Variants in FGF3 observed in about 807,000 individuals in gnomAD.
FGF3 encodes the protein fibroblast growth factor 3.
FGF3 carries 7 observed loss-of-function variants against 9.8 expected under a neutral mutation model. The ratio of observed to expected loss-of-function variants is 0.72; its 90% CI spans 0.41 to 1.35. FGF3 has a LOEUF of 1.35. Among genes scored for constraint, FGF3 ranks in the 40% most tolerant of loss-of-function variants. The pLI is 0.01. For synonymous variants in FGF3, 173 were observed against 157.2 expected, an observed-to-expected ratio of 1.10 and a Z score of -0.75; for missense variants, 390 against 345.6, an observed-to-expected ratio of 1.13 and a Z score of -1.02.
intron 2 of FGF3, 45 bp from the exon 3 acceptor site, chr11:69,810,745 G>T (rs374855794): frequency 1.3e-6 from 2 of 1,486,354 alleles, no homozygotes; most frequent in Non-Finnish European, 1.8e-6. Context: ...GGAGACTGTG[G>T]CAGCGTCAGG....
intron 1 of FGF3, 87 bp from the exon 2 acceptor site, chr11:69,816,510 C>CAGCCCTGAGCCCGGGGTGT: frequency 3.0e-6 from 3 of 1,004,776 alleles, no homozygotes; most frequent in Non-Finnish European, 4.7e-6. Context: ...AGCCACACCC[C>CAGCCCTGAGCCCGGGGTGT]GGGCTCAGGG....
rs121917705 is a variant in FGF3 at position 69,818,738 on chromosome 11, C to T, written c.196G>A (p.Gly66Ser). The change falls in exon 1 of 3, where the codon GGC becomes AGC. Residue 66 changes from glycine (G) to serine (S), a missense_variant. Transcript: ENST00000334134. Reference sequence around the variant, plus strand: ...CTGTAGGCGCTGTTCTCCAGGCTGCCGTTGACGCGGCCGCTCGGGTGCAGC... The same window carrying T: ...CTGTAGGCGCTGTTCTCCAGGCTGCTGTTGACGCGGCCGCTCGGGTGCAGC... ...LQLHPSGRVN[G>S]SLENSAYSIL... The T allele has an allele frequency of 3.3e-6, 5 of 1,494,116 alleles. No homozygotes were observed. Among genetic ancestry groups the T allele is most frequent in the Non-Finnish European group, 4.4e-6 (5 of 1,128,440 alleles). The allele number at this position is 1,494,116 out of a possible 1,614,324, so 92.6% of individuals were successfully genotyped here. A position where few individuals can be genotyped will look rare whatever the true frequency, so the allele number is the denominator to read the frequency against.
In FGF3 at chr11:69,810,201, C is replaced by G; in HGVS notation, c.*104G>C. The G allele has an allele frequency of 8.7e-7, 1 of 1,146,790 alleles. No individual in the cohort carries two copies. Among genetic ancestry groups the G allele is most frequent in the Non-Finnish European group, 1.2e-6 (1 of 830,676 alleles). 71.0% of individuals were successfully genotyped at this position (1,146,790 alleles called of 1,614,324 possible). On this transcript the variant is annotated 3_prime_UTR_variant, in exon 3 of 3. Transcript: ENST00000334134. ...CTGGCTCTGGAAATAGCTGAGAACC[C>G]AGACGCGGGACGCAGGGGCAAGGGC...
chr11:69,812,382 T>G (rs1856042986), intron 2 of FGF3, among the ~76,000 whole-genome samples: 1 of 151,968 alleles, frequency 6.6e-6, no homozygotes, highest in Non-Finnish European at 1.5e-5. Context: ...CAGGGAAGGG[T>G]GGAAGGCTTG....
chr11:69,810,728 G>A, intron 2 of FGF3, 28 bp from the exon 3 acceptor site: 2 of 1,529,462 alleles, frequency 1.3e-6, no homozygotes, highest in East Asian at 2.3e-5. Flanking sequence ...CATGGTCAGT[G>A]CCCCGGGGAG....
intron 2 of FGF3, among the ~76,000 whole-genome samples, 184 bp from the exon 3 acceptor site, chr11:69,810,884 CCT>C (rs1856019859): frequency 6.6e-6 from 1 of 152,380 alleles, no homozygotes; most frequent in South Asian, 2.1e-4. Flanking sequence ...TCCTTCCTCC[CCT>C]GTGTGCCTGG....
Position 69,818,960 on chromosome 11 carries a change from G to T in FGF3, c.-27C>A. On this transcript the variant is annotated 5_prime_UTR_variant, in exon 1 of 3. Transcript: ENST00000334134. ...GTGGCATCGCGCCCGCCCCGCGGCG[G>T]CGGCGGCTGCAGGCGAGCGCGGCGC... The T allele has an allele frequency of 7.0e-7, 1 of 1,428,780 alleles. No homozygotes were observed. The highest frequency in any genetic ancestry group is 9.2e-7 in the Non-Finnish European group (1 of 1,085,434). 88.5% of individuals were successfully genotyped at this position (1,428,780 alleles called of 1,614,324 possible).
At chr11:69,814,022 G>A (rs959328840) in intron 2 of FGF3, among the ~76,000 whole-genome samples, 6 of 152,006 alleles carry the variant, frequency 3.9e-5, no homozygotes, top group Non-Finnish European at 7.4e-5. Flanking sequence ...TGAATGGGCA[G>A]ATGGACAGAT....
rs1554981447 is a variant in FGF3, at chr11:69,818,892, G to A, written c.42C>T (p.Pro14=). 1.4e-6 allele frequency: 2 copies of A among 1,465,200 alleles called. No homozygotes were observed. The highest frequency in any genetic ancestry group is 2.6e-5 in the South Asian group (2 of 76,862). The allele number at this position is 1,465,200 out of a possible 1,614,324, so 90.8% of individuals were successfully genotyped here. A position where few individuals can be genotyped will look rare whatever the true frequency, so the allele number is the denominator to read the frequency against. The change falls in exon 1 of 3, where the codon CCC becomes CCT. Residue 14 remains proline (P), a synonymous_variant. Transcript: ENST00000334134. ...CCCCAGGGCCCGCTGCGGGCCAGCC[G>A]GGCTCCAGCAGGCTGAGCAGTAGCA... ...IWLLLLSLLE[P]GWPAAGPGAR... is the part of the protein sequence containing the mutation.
chr11:69,810,822 G>T, intron 2 of FGF3, 122 bp from the exon 3 acceptor site: 4 of 803,366 alleles, frequency 5.0e-6, no homozygotes, highest in Admixed American at 6.1e-5. Flanking sequence ...AAACCCCAGC[G>T]CACTCTCAGC....
intron 2 of FGF3, among the ~76,000 whole-genome samples, chr11:69,815,718 C>T (rs112731850): frequency 3.3e-5 from 5 of 152,268 alleles, no homozygotes; most frequent in Middle Eastern, 3.4e-3. Flanking sequence ...TGAAGAGGGG[C>T]GCTGCCATAC....
At chr11:69,814,960 C>T (rs1856102165) in intron 2 of FGF3, among the ~76,000 whole-genome samples, 1 of 152,200 alleles carries the variant, frequency 6.6e-6, no homozygotes, top group Non-Finnish European at 1.5e-5. Context: ...TGCTCCCAGA[C>T]ACAGCTTCCA....
chr11:69,811,006 G>A (rs1224173352), intron 2 of FGF3, among the ~76,000 whole-genome samples: 1 of 152,250 alleles, frequency 6.6e-6, no homozygotes, highest in African/African-American at 2.4e-5. Flanking sequence ...TGAGGGCGCT[G>A]ACACAGCAAA....
At chr11:69,815,812 CTG>C (rs1856122566) in intron 2 of FGF3, among the ~76,000 whole-genome samples, 1 of 152,166 alleles carries the variant, frequency 6.6e-6, no homozygotes, top group Non-Finnish European at 1.5e-5. Context: ...TCCAAGGCTC[CTG>C]TGTGCCCGGG....
chr11:69,817,517 G>C (rs1856155731), intron 1 of FGF3: 1 of 152,286 alleles, frequency 6.6e-6, no homozygotes, highest in Non-Finnish European at 1.5e-5. Context: ...GACTCCGAGG[G>C]GGAGCCTGGC....
chr11:69,819,403 G>A lies in FGF3; in HGVS notation c.-470C>T, dbSNP rs1279509896. ...CGCAGCGCGCCCCACGCCCCCGAAA[G>A]CCCTCCTGGCTCTGAAAGGTCCCCT... is the stretch of plus-strand genomic sequence containing the variant. On this transcript the variant is annotated 5_prime_UTR_variant, in exon 1 of 3. Coordinates refer to ENST00000334134, the MANE Select transcript of FGF3 (RefSeq NM_005247.4). Among the ~76,000 whole-genome samples, 1 of 151,688 alleles carries A rather than the reference G, an allele frequency of 6.6e-6. No individual in the cohort carries two copies. The highest frequency in any genetic ancestry group is 6.6e-5 in the Admixed American group (1 of 15,256).
At chr11:69,818,061 G>A (rs1856169367) in intron 1 of FGF3, among the ~76,000 whole-genome samples, 1 of 151,756 alleles carries the variant, frequency 6.6e-6, no homozygotes, top group African/African-American at 2.4e-5. Context: ...CGGCCAGGGC[G>A]GAGGCGGGGG....
At chr11:69,813,812 ATGGG>A (rs1565115026) in intron 2 of FGF3, among the ~76,000 whole-genome samples, 42 of 76,872 alleles carry the variant, frequency 5.5e-4, no homozygotes, top group Middle Eastern at 8.8e-3. Context: ...GGATGGGTGG[ATGGG>A]TGGATGGGTG....
intron 1 of FGF3, among the ~76,000 whole-genome samples, 161 bp from the exon 2 acceptor site, chr11:69,816,584 C>T (rs980606070): frequency 1.3e-5 from 2 of 152,150 alleles, no homozygotes; most frequent in Admixed American, 6.5e-5. Context: ...AGGGAGAAGT[C>T]ACCGGACAGG....
Sources: gnomAD v4.1 joint callset for allele counts (sites outside exome capture counted in the v4.1 genomes callset) on GRCh38, gnomAD v4.1.1 for gene constraint, MANE v1.5 for transcripts, NCBI Gene and HGNC (gene_info 2026-07-23, HGNC 2026-07-21) for gene names.